The following RAB38 variants were observed in gnomAD, a reference collection of about 807,000 sequenced individuals.
The protein encoded by RAB38 is RAB38, member RAS oncogene family.
In RAB38, 15 loss-of-function variants were observed where a neutral mutation model predicts 18.4. That is an observed-to-expected ratio of 0.82 (90% CI 0.55 to 1.26). RAB38 has a LOEUF of 1.26. Ranked by LOEUF, RAB38 falls within the 50% of genes most tolerant of loss-of-function variation. The pLI is 0.00. For synonymous variants in RAB38, 101 were observed against 104.4 expected (o/e 0.97, Z 0.20); for missense variants, 294 against 267.4 (o/e 1.10, Z -0.69).
the RAB38 span, chr11:87,816,261 T>G: frequency 6.6e-6 from 1 of 152,506 alleles, no homozygotes; most frequent in Non-Finnish European, 1.5e-5. Flanking sequence ...ATTCTTTTCG[T>G]TATAAGGTTT....
chr11:88,101,468 C>T, the RAB38 span, among the ~76,000 whole-genome samples: 34 of 151,644 alleles, frequency 2.2e-4, 1 homozygote, highest in Non-Finnish European at 3.1e-4. Flanking sequence ...TCAAAATTTA[C>T]GCTGTATAAA....
At chr11:87,870,040 C>T in the RAB38 span, among the ~76,000 whole-genome samples, 2 of 151,546 alleles carry the variant, frequency 1.3e-5, no homozygotes, top group East Asian at 1.9e-4. Flanking sequence ...TAATATTGTT[C>T]ATCTTAATAT....
At chr11:87,847,468 T>C in the RAB38 span, among the ~76,000 whole-genome samples, 2 of 152,140 alleles carry the variant, frequency 1.3e-5, no homozygotes, top group African/African-American at 2.4e-5. Flanking sequence ...AATAGTCTTA[T>C]GTAAATTAAA....
chr11:87,857,953 A>T, the RAB38 span, among the ~76,000 whole-genome samples: 2 of 152,100 alleles, frequency 1.3e-5, no homozygotes, highest in South Asian at 4.1e-4. Context: ...CTATGTCCTG[A>T]ATGCTATTGC....
At chr11:87,837,525 A>G in the RAB38 span, among the ~76,000 whole-genome samples, 1 of 152,216 alleles carries the variant, frequency 6.6e-6, no homozygotes, top group African/African-American at 2.4e-5. Context: ...GAGATACAGC[A>G]GTGGTATGGT....
At chr11:87,863,687 C>T in the RAB38 span, among the ~76,000 whole-genome samples, 1 of 151,778 alleles carries the variant, frequency 6.6e-6, no homozygotes. Context: ...GAATCACTTT[C>T]TGCTTGATCC....
chr11:88,116,935 A>G (rs1942562192), intron 2 of RAB38, among the ~76,000 whole-genome samples: 1 of 152,238 alleles, frequency 6.6e-6, no homozygotes, highest in Non-Finnish European at 1.5e-5. Context: ...AAAATCCATT[A>G]TCATTATGAG....
the RAB38 span, chr11:87,817,699 C>G: frequency 6.6e-6 from 1 of 152,118 alleles, no homozygotes; most frequent in Non-Finnish European, 1.5e-5. Flanking sequence ...AAAATAGAGA[C>G]TAGTCTGCTT....
chr11:88,109,910 A>G (rs1357583610), downstream of RAB38, among the ~76,000 whole-genome samples: 1 of 152,228 alleles, frequency 6.6e-6, no homozygotes, highest in Non-Finnish European at 1.5e-5. Context: ...ACACTTTTAC[A>G]CTGTTGGTGG....
the RAB38 span, among the ~76,000 whole-genome samples, chr11:87,808,345 A>G: frequency 6.6e-6 from 1 of 152,220 alleles, no homozygotes; most frequent in Non-Finnish European, 1.5e-5. Context: ...AGAAAATGTG[A>G]TGTATATATA....
chr11:88,077,224 A>T, the RAB38 span, among the ~76,000 whole-genome samples: 1 of 152,004 alleles, frequency 6.6e-6, no homozygotes, highest in African/African-American at 2.4e-5. Flanking sequence ...ATATGACCAA[A>T]TGCACTTTAA....
chr11:87,947,060 C>T, the RAB38 span, among the ~76,000 whole-genome samples: 4 of 152,198 alleles, frequency 2.6e-5, no homozygotes, highest in Non-Finnish European at 5.9e-5. Flanking sequence ...CTGTTGTTTC[C>T]TGACTTTTTA....
chr11:88,030,841 C>A, the RAB38 span, among the ~76,000 whole-genome samples: 10,895 of 151,944 alleles, frequency 0.072, 625 homozygotes, highest in African/African-American at 0.14. Flanking sequence ...CTATTCCAAT[C>A]AATAGAAAAA....
the RAB38 span, among the ~76,000 whole-genome samples, chr11:88,069,717 G>T: frequency 1.3e-5 from 2 of 152,164 alleles, no homozygotes; most frequent in African/African-American, 2.4e-5. Flanking sequence ...CTCAAGGTTT[G>T]TAAACACACC....
At chr11:87,928,228 C>T in the RAB38 span, among the ~76,000 whole-genome samples, 2 of 151,790 alleles carry the variant, frequency 1.3e-5, no homozygotes, top group African/African-American at 2.4e-5. Context: ...TAGTATTTTC[C>T]CTCTTTCATG....
the RAB38 span, among the ~76,000 whole-genome samples, chr11:88,028,259 TA>T: frequency 2.6e-5 from 4 of 151,806 alleles, no homozygotes; most frequent in Non-Finnish European, 5.9e-5. Context: ...CAAAAGTAGA[TA>T]AAACCACAAA....
the RAB38 span, among the ~76,000 whole-genome samples, chr11:87,962,272 G>A: frequency 2.0e-5 from 3 of 152,110 alleles, no homozygotes; most frequent in Non-Finnish European, 4.4e-5. Context: ...GCACTAAACC[G>A]AGTCCACTTT....
the RAB38 span, among the ~76,000 whole-genome samples, chr11:87,818,696 T>A: frequency 5.3e-5 from 8 of 152,148 alleles, no homozygotes; most frequent in South Asian, 2.1e-4. Flanking sequence ...CTAGTTTTTT[T>A]AAAAAAATTT....
the RAB38 span, among the ~76,000 whole-genome samples, chr11:87,861,300 T>C: frequency 6.6e-6 from 1 of 151,948 alleles, no homozygotes; most frequent in Admixed American, 6.6e-5. Context: ...AGTTGAACAA[T>C]GGGTGCCAAA....
Sources: gnomAD v4.1 joint callset for allele counts (sites outside exome capture counted in the v4.1 genomes callset) on GRCh38, gnomAD v4.1.1 for gene constraint, MANE v1.5 for transcripts, NCBI Gene and HGNC (gene_info 2026-07-23, HGNC 2026-07-21) for gene names.